The following SGPP2 variants were observed in gnomAD, a reference collection of about 807,000 sequenced individuals.
SGPP2 encodes the protein sphingosine-1-phosphate phosphatase 2, also known as sphingosine 1-phosphate phosphohydrolase 2.
In SGPP2, 30 loss-of-function variants were observed where a neutral mutation model predicts 33.9. The observed-to-expected ratio is 0.89, with a 90% confidence interval of 0.66 to 1.20. SGPP2 has a LOEUF of 1.20. SGPP2 is among the 50% of genes most tolerant of loss of function. The probability of loss-of-function intolerance (pLI) is 0.00; values close to 1 mark genes in which losing one functional copy is unlikely to be tolerated. For synonymous variants in SGPP2, 233 were observed against 225.0 expected (o/e 1.04, Z -0.32); for missense variants, 458 against 532.1 (o/e 0.86, Z 1.37).
chr2:222,505,747 A>G (rs1698435000), intron 2 of SGPP2, among the ~76,000 whole-genome samples: 1 of 152,008 alleles, frequency 6.6e-6, no homozygotes, highest in Non-Finnish European at 1.5e-5. Context: ...CAGCCTAGGA[A>G]ACGTGGCAAA....
At chr2:222,552,075 G>C (rs146137208) in intron 4 of SGPP2, among the ~76,000 whole-genome samples, 17 of 152,288 alleles carry the variant, frequency 1.1e-4, no homozygotes, top group African/African-American at 3.6e-4. Flanking sequence ...GTATTCCATT[G>C]TATATATGCC....
intron 2 of SGPP2, among the ~76,000 whole-genome samples, chr2:222,500,824 T>C (rs983243448): frequency 1.3e-5 from 2 of 152,222 alleles, no homozygotes; most frequent in African/African-American, 4.8e-5. Flanking sequence ...TCTTAACTGG[T>C]AATTCAGTTT....
rs566990252 is a variant in SGPP2, at chr2:222,461,062, C to T, written c.220-13506C>T. Among the ~76,000 whole-genome samples the T allele has an allele frequency of 9.2e-5, 14 of 152,220 alleles. No homozygotes were observed. In the East Asian group the frequency reaches 1.9e-3, roughly 21 times the overall value. On this transcript the variant is annotated intron_variant, in intron 1 of 4. Transcript: ENST00000321276. Reference sequence around the variant, plus strand: ...TGAGCCACCACATTCGGCTGTTTTTCGAATCTTTTTACCGTCTTTCTCTCC... The same window carrying T: ...TGAGCCACCACATTCGGCTGTTTTTTGAATCTTTTTACCGTCTTTCTCTCC...
At chr2:222,552,112 G>C (rs1047116025) in intron 4 of SGPP2, among the ~76,000 whole-genome samples, 1 of 152,194 alleles carries the variant, frequency 6.6e-6, no homozygotes, top group African/African-American at 2.4e-5. Context: ...CTAGTTGACT[G>C]ATGGGCATTT....
intron 1 of SGPP2, among the ~76,000 whole-genome samples, chr2:222,459,120 T>C (rs1275917434): frequency 2.1e-5 from 3 of 144,316 alleles, no homozygotes; most frequent in African/African-American, 7.5e-5. Context: ...AGACACACTT[T>C]TTTTTCTTTC....
At chr2:222,493,276 A>G (rs1273728500) in intron 2 of SGPP2, among the ~76,000 whole-genome samples, 1 of 152,232 alleles carries the variant, frequency 6.6e-6, no homozygotes, top group African/African-American at 2.4e-5. Flanking sequence ...ACTCACAATT[A>G]TGGTGGGAAA....
chr2:222,501,438 G>T (rs1057243574), intron 2 of SGPP2, among the ~76,000 whole-genome samples: 3 of 152,260 alleles, frequency 2.0e-5, no homozygotes, highest in African/African-American at 7.2e-5. Flanking sequence ...TACATAGGGA[G>T]GTTCTCAAAC....
intron 2 of SGPP2, among the ~76,000 whole-genome samples, chr2:222,480,388 A>G (rs747658191): frequency 5.9e-5 from 9 of 152,200 alleles, no homozygotes; most frequent in Non-Finnish European, 1.3e-4. Context: ...CGGATACTTC[A>G]TGGCATTCAT....
chr2:222,524,808 T>A, intron 3 of SGPP2, 136 bp from the exon 4 acceptor site: 1 of 671,590 alleles, frequency 1.5e-6, no homozygotes, highest in Non-Finnish European at 2.5e-6. Flanking sequence ...TTTAAGTTAA[T>A]CAGATTGCTG....
chr2:222,473,699 T>C (rs1187748355), intron 1 of SGPP2, among the ~76,000 whole-genome samples: 1 of 151,838 alleles, frequency 6.6e-6, no homozygotes, highest in East Asian at 1.9e-4. Context: ...CCGAGGTGGG[T>C]GGATCACCTG....
At chr2:222,425,888 G>A (rs949941300) in intron 1 of SGPP2, among the ~76,000 whole-genome samples, 13 of 152,148 alleles carry the variant, frequency 8.5e-5, no homozygotes, top group African/African-American at 3.1e-4. Context: ...TACAGAATTT[G>A]TTTGGGAGGG....
At chr2:222,453,071 CA>C (rs1287225669) in intron 1 of SGPP2, 44 of 1,277,538 alleles carry the variant, frequency 3.4e-5, no homozygotes, top group Middle Eastern at 2.4e-4. Context: ...TTCTCTGCAG[CA>C]GTGGGTTGTT....
intron 1 of SGPP2, among the ~76,000 whole-genome samples, chr2:222,458,093 C>T (rs1193004222): frequency 6.6e-6 from 1 of 152,142 alleles, no homozygotes; most frequent in East Asian, 1.9e-4. Context: ...CTGTGTGACT[C>T]AGCCCGAAGT....
chr2:222,474,561 C>G lies in SGPP2; in HGVS notation c.220-7C>G, dbSNP rs1192503023. The G allele has an allele frequency of 2.5e-6, 4 of 1,612,166 alleles. No individual in the cohort carries two copies. Among genetic ancestry groups the G allele is most frequent in the Non-Finnish European group, 3.4e-6 (4 of 1,179,204 alleles). On this transcript the variant is annotated splice_region_variant and splice_polypyrimidine_tract_variant and intron_variant, in intron 1 of 4. Coordinates refer to ENST00000321276, the MANE Select transcript of SGPP2 (RefSeq NM_152386.4). ...ACTCACAGAGTCTTCTAACTTTTGT[C>G]TTTTAGGCTTATGTACAGAAGTACG...
At position 222,546,743 on chromosome 2, in the gene SGPP2, T is replaced by C. The variant is rs182726932; in HGVS notation, c.649-11604T>C. On this transcript the variant is annotated intron_variant, in intron 4 of 4. Coordinates refer to ENST00000321276, the MANE Select transcript of SGPP2 (RefSeq NM_152386.4). ...GCCTATTTGCGCTTATGTATTACTA[T>C]ATTGGAATATCACTCTAGGACTTTC... Among the ~76,000 whole-genome samples, 249 of 151,606 alleles carry C rather than the reference T, an allele frequency of 1.6e-3. 1 individual carries two copies. The highest frequency in any genetic ancestry group is 5.8e-3 in the African/African-American group (240 of 41,264).
intron 4 of SGPP2, among the ~76,000 whole-genome samples, chr2:222,555,718 G>A (rs940241882): frequency 6.6e-6 from 1 of 152,042 alleles, no homozygotes; most frequent in Non-Finnish European, 1.5e-5. Context: ...AGAAAGAGGA[G>A]GATGTAAAGG....
intron 2 of SGPP2, among the ~76,000 whole-genome samples, chr2:222,513,160 T>C (rs1233344371): frequency 2.0e-5 from 3 of 152,232 alleles, no homozygotes; most frequent in Admixed American, 6.5e-5. Context: ...GTTTTGGACT[T>C]AGCCATTCTA....
At chr2:222,498,769 A>G (rs946524334) in intron 2 of SGPP2, among the ~76,000 whole-genome samples, 12 of 152,094 alleles carry the variant, frequency 7.9e-5, no homozygotes, top group Non-Finnish European at 1.0e-4. Flanking sequence ...GGAGAGAGTG[A>G]TGAGAGGCAT....
At chr2:222,488,957 T>C (rs1246052619) in intron 2 of SGPP2, among the ~76,000 whole-genome samples, 1 of 152,206 alleles carries the variant, frequency 6.6e-6, no homozygotes, top group Non-Finnish European at 1.5e-5. Flanking sequence ...AATTTGATTC[T>C]GGGGGTTGGG....
Sources: allele counts gnomAD v4.1 joint callset (sites outside exome capture counted in the v4.1 genomes callset), GRCh38; gene constraint gnomAD v4.1.1; transcripts MANE v1.5; gene names NCBI Gene and HGNC (gene_info 2026-07-23, HGNC 2026-07-21).